The following CLDN18 variants were observed in gnomAD, a reference collection of about 807,000 sequenced individuals.
CLDN18 encodes the protein claudin 18.
Under a neutral mutation model 25.0 loss-of-function variants are expected in CLDN18, and 20 were observed. The ratio of observed to expected loss-of-function variants is 0.80; its 90% confidence interval spans 0.56 to 1.16. CLDN18 has a LOEUF of 1.16. Among genes scored for constraint, CLDN18 ranks in the 50% most tolerant of loss-of-function variants. The probability of loss-of-function intolerance (pLI) is 0.00; values close to 1 mark genes in which losing one functional copy is unlikely to be tolerated. For synonymous variants in CLDN18, 125 were observed against 135.6 expected, an observed-to-expected ratio of 0.92 and a Z score of 0.54; for missense variants, 297 against 345.4, an observed-to-expected ratio of 0.86 and a Z score of 1.11.
chr3:138,003,755 C>T (rs1161893210), intron 1 of CLDN18, among the ~76,000 whole-genome samples: 1 of 151,958 alleles, frequency 6.6e-6, no homozygotes, highest in Admixed American at 6.6e-5. Context: ...TTGCTATGTG[C>T]CAGGCATTGT....
At chr3:138,029,638 A>C (rs1156501386) in intron 3 of CLDN18, among the ~76,000 whole-genome samples, 159 bp from the exon 4 acceptor site, 1 of 152,136 alleles carries the variant, frequency 6.6e-6, no homozygotes, top group Non-Finnish European at 1.5e-5. Context: ...GTACCTGATC[A>C]GTTGGCTGTG....
chr3:138,001,181 G>A (rs563437283), intron 1 of CLDN18, among the ~76,000 whole-genome samples: 32 of 152,294 alleles, frequency 2.1e-4, no homozygotes, highest in African/African-American at 6.0e-4. Flanking sequence ...TGTCCTGTCC[G>A]CACCTAAGCC....
At chr3:138,000,028 G>C (rs930225637) in intron 1 of CLDN18, among the ~76,000 whole-genome samples, 1 of 152,184 alleles carries the variant, frequency 6.6e-6, no homozygotes, top group Non-Finnish European at 1.5e-5. Flanking sequence ...AAAATATGGG[G>C]CTTTCTCCTC....
intron 1 of CLDN18, among the ~76,000 whole-genome samples, chr3:138,011,892 G>A (rs1169112330): frequency 1.3e-5 from 2 of 151,958 alleles, no homozygotes; most frequent in Admixed American, 6.6e-5. Flanking sequence ...TTCTGTCAAC[G>A]GATCTTATCT....
chr3:138,022,596 A>C (rs1942283919), intron 1 of CLDN18, among the ~76,000 whole-genome samples: 1 of 152,228 alleles, frequency 6.6e-6, no homozygotes, highest in Admixed American at 6.5e-5. Context: ...AGAGGAAAAA[A>C]GGGGATATAC....
At chr3:138,018,248 C>T (rs377079347) in intron 1 of CLDN18, among the ~76,000 whole-genome samples, 5 of 152,036 alleles carry the variant, frequency 3.3e-5, no homozygotes, top group Admixed American at 6.5e-5. Flanking sequence ...TAAGGGTTCA[C>T]GCTCTTCAAA....
intron 2 of CLDN18, among the ~76,000 whole-genome samples, 198 bp downstream of exon 2, chr3:138,024,020 G>A (rs1942297696): frequency 6.6e-6 from 1 of 152,076 alleles, no homozygotes; most frequent in African/African-American, 2.4e-5. Context: ...CCCAATATAA[G>A]AGGTTCTTAG....
At chr3:137,999,219 C>A in intron 1 of CLDN18, 1 of 744,960 alleles carries the variant, frequency 1.3e-6, no homozygotes, top group Non-Finnish European at 2.3e-6. Context: ...ACAGGGGCAA[C>A]AGCCACCTGC....
chr3:138,020,186 G>C (rs74882632), intron 1 of CLDN18, among the ~76,000 whole-genome samples: 2,122 of 152,280 alleles, frequency 0.014, 36 homozygotes, highest in African/African-American at 0.047. Context: ...AGACATAGGG[G>C]GTTTCTGGCA....
exon 1 of CLDN18, chr3:137,998,945 G>A: frequency 6.2e-7 from 1 of 1,614,250 alleles, no homozygotes. Flanking sequence ...GCTGCCACCT[G>A]CATGGACCAG....
chr3:138,006,684 A>G (rs1942072820), upstream of CLDN18, among the ~76,000 whole-genome samples: 1 of 152,220 alleles, frequency 6.6e-6, no homozygotes, highest in Non-Finnish European at 1.5e-5. Context: ...TAGTCTGCTC[A>G]GAGCCCAGAA....
Position 138,005,152 on chromosome 3 carries a change from T to G in CLDN18, c.220+6064T>G, listed in dbSNP as rs1050367091. On this transcript the variant is annotated intron_variant, in intron 1 of 4. Coordinates refer to the CLDN18 transcript ENST00000343735. Reference sequence around the variant, plus strand: ...AAATCAATGAGGAAGGAATACAAACTGACAATTCAAGAAAAGAACAAAAAT... The same window carrying G: ...AAATCAATGAGGAAGGAATACAAACGGACAATTCAAGAAAAGAACAAAAAT... 122 of 152,220 alleles carry G rather than the reference T, an allele frequency of 8.0e-4. 1 individual carries two copies. Among genetic ancestry groups the G allele is most frequent in the African/African-American group, 2.8e-3 (116 of 41,550 alleles). 9.4% of individuals were successfully genotyped at this position (152,220 alleles called of 1,614,324 possible).
chr3:138,029,883 G>A lies in CLDN18; in HGVS notation c.590G>A (p.Arg197Gln), dbSNP rs143363724. 63 of 1,593,804 alleles carry A rather than the reference G, an allele frequency of 4.0e-5. No individual in the cohort carries two copies. The highest frequency in any genetic ancestry group is 5.7e-5 in the South Asian group (5 of 87,278). ...IGGVMMCIAC[R>Q]GLAPEETNYK... Reference sequence around the variant, plus strand: ...GGTGTGATGATGTGCATCGCCTGCCGGGGCCTGGCACCAGAAGAAACCAAG... The same window carrying A: ...GGTGTGATGATGTGCATCGCCTGCCAGGGCCTGGCACCAGAAGAAACCAAG... The change falls in exon 4 of 5, where the codon CGG becomes CAG. Residue 197 changes from arginine to glutamine, a missense_variant. Arg to Gln is a conservative substitution (Grantham distance 43). Transcript: ENST00000183605.
chr3:138,008,176 C>G (rs958639892), upstream of CLDN18, among the ~76,000 whole-genome samples: 13 of 136,004 alleles, frequency 9.6e-5, no homozygotes, highest in Non-Finnish European at 1.2e-4. Context: ...TCCTGGAGAA[C>G]CTGTAAAGAC....
chr3:138,033,302 G>GA lies in CLDN18; in HGVS notation c.*2167dup, dbSNP rs1346461240. The GA allele has an allele frequency of 6.6e-6, 1 of 152,124 alleles. No individual in the cohort carries two copies. The allele number at this position is 152,124 out of a possible 1,614,324, so 9.4% of individuals were successfully genotyped here. The stretch of plus-strand genomic sequence containing the variant: ...AGGATGAGCAGACAAGTCAACTAAA[G>GA]AAAAAAGAAAAGCAAGGAGGAGGGT... On this transcript the variant is annotated 3_prime_UTR_variant, in exon 5 of 5. Transcript: ENST00000183605.
In CLDN18 at chr3:138,031,345, T is replaced by C. The variant is rs1326984211; in HGVS notation, c.*204T>C. On this transcript the variant is annotated 3_prime_UTR_variant, in exon 5 of 5. Coordinates refer to ENST00000183605, the MANE Select transcript of CLDN18 (RefSeq NM_016369.4). ...CACCATAAAACAGCTGAGTTATTTA[T>C]GAATTAGAGGCTATAGCTCACATTT... 2 of 426,208 alleles carry C rather than the reference T, an allele frequency of 4.7e-6. No individual in the cohort carries two copies. Among genetic ancestry groups the C allele is most frequent in the Non-Finnish European group, 8.2e-6 (2 of 242,866 alleles). The allele number at this position is 426,208 out of a possible 1,614,324, so 26.4% of individuals were successfully genotyped here. A position where few individuals can be genotyped will look rare whatever the true frequency, so the allele number is the denominator to read the frequency against.
rs966031562 is a variant in CLDN18, at chr3:138,031,239, C to T, written c.*98C>T. 1 of 1,141,536 alleles carries T rather than the reference C, an allele frequency of 8.8e-7. No homozygotes were observed. Among genetic ancestry groups the T allele is most frequent in the Non-Finnish European group, 1.2e-6 (1 of 819,944 alleles). 70.7% of individuals were successfully genotyped at this position (1,141,536 alleles called of 1,614,324 possible). A position where few individuals can be genotyped will look rare whatever the true frequency, so the allele number is the denominator to read the frequency against. Reference sequence around the variant, plus strand: ...TAGATTTCTTCTTGCTTTTGACTCACAGCTGGAAGTTAGAAAAGCCTCGAT... The same window carrying T: ...TAGATTTCTTCTTGCTTTTGACTCATAGCTGGAAGTTAGAAAAGCCTCGAT... On this transcript the variant is annotated 3_prime_UTR_variant, in exon 5 of 5. Coordinates refer to ENST00000183605, the MANE Select transcript of CLDN18 (RefSeq NM_016369.4).
At chr3:138,029,502 T>C (rs1942362656) in intron 3 of CLDN18, among the ~76,000 whole-genome samples, 1 of 152,186 alleles carries the variant, frequency 6.6e-6, no homozygotes, top group Admixed American at 6.6e-5. Context: ...CTTTTGCCAG[T>C]AGAGAGGGGA....
rs368088796 is a variant in CLDN18, at chr3:138,010,215, C to T, written c.-11C>T. ...AGCTTCTCGCAGGCGGCAGGGCGGG[C>T]GGCCAGGATCATGTCCACCACCACA... is the stretch of plus-strand genomic sequence containing the variant. On this transcript the variant is annotated 5_prime_UTR_variant, in exon 1 of 5. Transcript: ENST00000183605. The T allele has an allele frequency of 5.6e-5, 90 of 1,609,356 alleles. No homozygotes were observed. Among genetic ancestry groups the T allele is most frequent in the Non-Finnish European group, 6.5e-5 (76 of 1,177,662 alleles).
Sources: allele counts gnomAD v4.1 joint callset (sites outside exome capture counted in the v4.1 genomes callset), GRCh38; gene constraint gnomAD v4.1.1; transcripts MANE v1.5; gene names NCBI Gene and HGNC (gene_info 2026-07-23, HGNC 2026-07-21).